The following HMGCS1 variants were observed in gnomAD, a reference collection of about 807,000 sequenced individuals.
HMGCS1 encodes the protein 3-hydroxy-3-methylglutaryl-CoA synthase 1, also known as hydroxymethylglutaryl-CoA synthase, cytoplasmic.
In HMGCS1, 9 loss-of-function variants were observed where a neutral mutation model predicts 52.3. The observed-to-expected ratio is 0.17, with a 90% CI of 0.10 to 0.30. HMGCS1 has a LOEUF of 0.30. Among genes scored for constraint, HMGCS1 ranks in the 10% least tolerant of loss-of-function variants. The probability of loss-of-function intolerance (pLI) is 1.00; values close to 1 mark genes in which losing one functional copy is unlikely to be tolerated. For missense variants in HMGCS1, 320 were observed against 620.9 expected (o/e 0.52, Z 5.15); for synonymous variants, 176 against 214.4 (o/e 0.82, Z 1.57).
At chr5:43,310,982 A>G (rs1179754233) in intron 1 of HMGCS1, among the ~76,000 whole-genome samples, 1 of 152,228 alleles carries the variant, frequency 6.6e-6, no homozygotes, top group African/African-American at 2.4e-5. Flanking sequence ...CAGTTGACAG[A>G]CATTAAGTGA....
chr5:43,305,781 CAAA>C (rs58264994), intron 2 of HMGCS1, among the ~76,000 whole-genome samples: 130 of 86,790 alleles, frequency 1.5e-3, no homozygotes, highest in Non-Finnish European at 2.3e-3. Flanking sequence ...GACTCCGTCT[CAAA>C]AAAAAAAAAA....
chr5:43,300,461 A>G (rs1229980956), intron 2 of HMGCS1, among the ~76,000 whole-genome samples: 2 of 152,084 alleles, frequency 1.3e-5, no homozygotes, highest in Non-Finnish European at 2.9e-5. Flanking sequence ...CAAATCCTGT[A>G]TTTATGTCAT....
At chr5:43,293,845 C>A (rs1561110617) in intron 8 of HMGCS1, 1 of 402,320 alleles carries the variant, frequency 2.5e-6, no homozygotes, top group Non-Finnish European at 4.6e-6. Context: ...TCCCAAGTAG[C>A]TAGGACTACA....
intron 4 of HMGCS1, among the ~76,000 whole-genome samples, chr5:43,297,644 C>T (rs1754096779): frequency 6.6e-6 from 1 of 151,750 alleles, no homozygotes; most frequent in African/African-American, 2.4e-5. Flanking sequence ...AATTCGATGC[C>T]AGCCTGGCTA....
At chr5:43,305,072 C>T (rs1263868195) in intron 2 of HMGCS1, among the ~76,000 whole-genome samples, 2 of 151,414 alleles carry the variant, frequency 1.3e-5, no homozygotes, top group East Asian at 2.0e-4. Context: ...CTGCAACCTC[C>T]GCCTCCCAGG....
At chr5:43,293,193 G>A (rs1216974611) in intron 8 of HMGCS1, among the ~76,000 whole-genome samples, 2 of 152,138 alleles carry the variant, frequency 1.3e-5, no homozygotes, top group African/African-American at 4.8e-5. Flanking sequence ...AGACAAGTTA[G>A]GAAACAGGCA....
chr5:43,292,940 C>T lies in HMGCS1; in HGVS notation c.1217G>A (p.Cys406Tyr), dbSNP rs1009367549. ...TGAATCAAGCCTTGATTTAAGATCACATAAACTTGCTGTTATTTTATCAAG... is the reference window on the plus strand; with the variant it reads ...TGAATCAAGCCTTGATTTAAGATCATATAAACTTGCTGTTATTTTATCAAG... ...SALDKITASL[C>Y]DLKSRLDSRT... The change falls in exon 9 of 11, where the codon TGT becomes TAT. Residue 406 changes from cysteine to tyrosine, a missense_variant. By Grantham distance (194) the Cys-to-Tyr change is radical. This residue lies in a region of HMGCS1 where 213 missense variants were observed against 337.4 expected (regional missense o/e 0.63). Transcript: ENST00000325110. The T allele has an allele frequency of 5.6e-6, 9 of 1,604,562 alleles. No individual in the cohort carries two copies. The highest frequency in any genetic ancestry group is 5.4e-5 in the African/African-American group (4 of 74,360).
At chr5:43,306,704 TTG>T (rs56305509) in intron 2 of HMGCS1, among the ~76,000 whole-genome samples, 68,502 of 151,632 alleles carry the variant, frequency 0.45, 16,132 homozygotes, top group Middle Eastern at 0.61. Context: ...GTCCCAAGCA[TTG>T]TTCAGATAAG....
At chr5:43,295,645 TA>T in intron 6 of HMGCS1, 106 bp downstream of exon 6, 1 of 808,718 alleles carries the variant, frequency 1.2e-6, no homozygotes, top group Non-Finnish European at 2.0e-6. Flanking sequence ...GGATGACTTC[TA>T]AGATTCTTCT....
chr5:43,299,572 C>T (rs1754205443), intron 2 of HMGCS1, among the ~76,000 whole-genome samples: 1 of 151,992 alleles, frequency 6.6e-6, no homozygotes, highest in East Asian at 1.9e-4. Context: ...ATGGCGTGAA[C>T]CCGGGAGGAG....
chr5:43,292,526 T>G lies in HMGCS1; in HGVS notation c.1421A>C (p.Asp474Ala), dbSNP rs368814700. ...TCCTACTCCTTCATCCAAAGTGTCA[T>G]CATTTGGAGTGGGACGCCGAGCGTA... Reference protein sequence around the residue: ...RTYARRPTPNDDTLDEGVGLV... With the variant: ...RTYARRPTPNADTLDEGVGLV... Residue 474 changes from aspartate to alanine, a missense_variant, in exon 10 of 11, where the codon GAT (aspartate) becomes GCT (alanine). Around this residue, in one of 3 missense-constraint regions of HMGCS1, gnomAD observed 213 missense variants for 337.4 expected, o/e 0.63. Transcript: ENST00000325110. The G allele has an allele frequency of 8.7e-6, 14 of 1,613,790 alleles. No individual in the cohort carries two copies. In the African/African-American group the frequency reaches 1.9e-4, roughly 22 times the overall value.
rs1203908339 is a variant in HMGCS1 at position 43,289,657 on chromosome 5, T to C, written c.*1474A>G. On this transcript the variant is annotated 3_prime_UTR_variant, in exon 11 of 11. Transcript: ENST00000325110. ...CATTATTAATCTACATCAGTGAATGTTAAATGAAGTCATTTTAACAAATTA... is the reference window on the plus strand; with the variant it reads ...CATTATTAATCTACATCAGTGAATGCTAAATGAAGTCATTTTAACAAATTA... 1 of 152,788 alleles carries C rather than the reference T, an allele frequency of 6.5e-6. No individual in the cohort carries two copies. Among genetic ancestry groups the C allele is most frequent in the African/African-American group, 2.4e-5 (1 of 41,594 alleles). The allele number at this position is 152,788 out of a possible 1,614,324, so 9.5% of individuals were successfully genotyped here. A position where few individuals can be genotyped will look rare whatever the true frequency, so the allele number is the denominator to read the frequency against.
chr5:43,298,341 T>C lies in HMGCS1; in HGVS notation c.448+177A>G, dbSNP rs146776339. ...TGAATAGACCATTTGTCCTACAAGA[T>C]AAGATAACCAATTCACAATTCGGAT... On this transcript the variant is annotated intron_variant, in intron 3 of 10. Coordinates refer to ENST00000325110, the MANE Select transcript of HMGCS1 (RefSeq NM_001098272.3). The surrounding 1 kb of genome is among the most constrained non-coding windows in gnomAD (Gnocchi z 5.6). The C allele has an allele frequency of 8.4e-4, 552 of 660,782 alleles. 2 individuals are homozygous for C. The African/African-American group carries it at 8.5e-3, about 10-fold the overall frequency. 40.9% of individuals were successfully genotyped at this position (660,782 alleles called of 1,614,324 possible). A position where few individuals can be genotyped will look rare whatever the true frequency, so the allele number is the denominator to read the frequency against.
chr5:43,295,673 G>C, intron 6 of HMGCS1, 79 bp downstream of exon 6: 1 of 1,037,980 alleles, frequency 9.6e-7, no homozygotes. Context: ...CAATTTCTCA[G>C]GTCTGTACAA....
At position 43,289,657 on chromosome 5, in the gene HMGCS1, T is replaced by A. The variant is rs1203908339; in HGVS notation, c.*1474A>T. ...CATTATTAATCTACATCAGTGAATG[T>A]TAAATGAAGTCATTTTAACAAATTA... is the stretch of plus-strand genomic sequence containing the variant. On this transcript the variant is annotated 3_prime_UTR_variant, in exon 11 of 11. Coordinates refer to ENST00000325110, the MANE Select transcript of HMGCS1 (RefSeq NM_001098272.3). The A allele has an allele frequency of 2.6e-5, 4 of 152,670 alleles. No individual in the cohort carries two copies. Among genetic ancestry groups the A allele is most frequent in the African/African-American group, 9.6e-5 (4 of 41,472 alleles). 9.5% of individuals were successfully genotyped at this position (152,670 alleles called of 1,614,324 possible).
In HMGCS1 at chr5:43,296,949, C is replaced by T. The variant is rs778578270; in HGVS notation, c.739+53G>A. 95 of 1,454,418 alleles carry T rather than the reference C, an allele frequency of 6.5e-5. No homozygotes were observed. In the Middle Eastern group the frequency reaches 2.6e-3, roughly 40 times the overall value. The allele number at this position is 1,454,418 out of a possible 1,614,324, so 90.1% of individuals were successfully genotyped here. A position where few individuals can be genotyped will look rare whatever the true frequency, so the allele number is the denominator to read the frequency against. ...AGTTGCCTACCAAAGATACCTAGTA[C>T]ATTAGACTGCTCTCAACTCATACCA... is the stretch of plus-strand genomic sequence containing the variant. On this transcript the variant is annotated intron_variant, in intron 5 of 10. Transcript: ENST00000325110.
Position 43,298,513 on chromosome 5 carries a change from C to T in HMGCS1, c.448+5G>A, listed in dbSNP as rs776338975. 1.5e-4 allele frequency: 242 copies of T among 1,607,614 alleles called. 1 individual carries two copies. In the South Asian group the frequency reaches 2.2e-3, roughly 14 times the overall value. ...GGGACGGCGGGGAATAGGCATGTAACATACCATCCCAAGAGCTGGACTCAA... is the reference window on the plus strand; with the variant it reads ...GGGACGGCGGGGAATAGGCATGTAATATACCATCCCAAGAGCTGGACTCAA... On this transcript the variant is annotated splice_donor_5th_base_variant and intron_variant, in intron 3 of 10. Coordinates refer to ENST00000325110, the MANE Select transcript of HMGCS1 (RefSeq NM_001098272.3). The surrounding 1 kb of genome is among the most constrained non-coding windows in gnomAD (Gnocchi z 5.6).
chr5:43,304,752 G>T (rs1754479943), intron 2 of HMGCS1, among the ~76,000 whole-genome samples: 1 of 152,026 alleles, frequency 6.6e-6, no homozygotes, highest in Non-Finnish European at 1.5e-5. Flanking sequence ...GACTTTGATG[G>T]AAAAAAACAT....
intron 1 of HMGCS1, among the ~76,000 whole-genome samples, chr5:43,308,533 T>G (rs10941621): frequency 0.45 from 68,649 of 152,094 alleles, 16,256 homozygotes; most frequent in Middle Eastern, 0.61. Context: ...TTTTCCCTCT[T>G]ACTGCTTATG....
Sources: gnomAD v4.1 joint callset for allele counts (sites outside exome capture counted in the v4.1 genomes callset) on GRCh38, gnomAD v4.1.1 for gene constraint, gnomAD v4.1.1 regional missense constraint, Gnocchi (gnomAD v3.1) non-coding constraint, MANE v1.5 for transcripts, NCBI Gene and HGNC (gene_info 2026-07-23, HGNC 2026-07-21) for gene names.